USP37: variants seen among roughly 807,000 people sequenced by gnomAD.
The protein encoded by USP37 is ubiquitin carboxyl-terminal hydrolase 37.
USP37 carries 27 observed loss-of-function variants against 124.0 expected under a neutral mutation model. That is an observed-to-expected ratio of 0.22 (90% CI 0.16 to 0.30). The LOEUF (loss-of-function observed/expected upper bound fraction) is 0.30. Among genes scored for constraint, USP37 ranks in the 10% least tolerant of loss-of-function variants. The pLI, the probability that USP37 is intolerant of heterozygous loss-of-function variation, is 1.00. For missense variants in USP37, 889 were observed against 1,140.4 expected, an observed-to-expected ratio of 0.78 and a Z score of 3.17; for synonymous variants, 365 against 388.0, an observed-to-expected ratio of 0.94 and a Z score of 0.70.
At chr2:218,508,698 C>G (rs1201617235) in intron 11 of USP37, among the ~76,000 whole-genome samples, 1 of 152,072 alleles carries the variant, frequency 6.6e-6, no homozygotes, top group East Asian at 1.9e-4. Flanking sequence ...GGAAATTAAG[C>G]ATTTGACTGG....
At chr2:218,470,982 A>T (rs1690650646) in intron 20 of USP37, among the ~76,000 whole-genome samples, 2 of 152,212 alleles carry the variant, frequency 1.3e-5, no homozygotes, top group African/African-American at 4.8e-5. Context: ...AGGGAGAAAA[A>T]GAGAGAAATA....
intron 4 of USP37, among the ~76,000 whole-genome samples, chr2:218,553,998 T>C (rs551366917): frequency 6.6e-6 from 1 of 152,324 alleles, no homozygotes; most frequent in South Asian, 2.1e-4. Flanking sequence ...AAGAATTGTT[T>C]TAAAAAAGCC....
At chr2:218,554,916 T>G (rs1452162890) in intron 4 of USP37, among the ~76,000 whole-genome samples, 1 of 152,142 alleles carries the variant, frequency 6.6e-6, no homozygotes, top group African/African-American at 2.4e-5. Context: ...AATAAACCTT[T>G]ACCAATATAG....
chr2:218,480,398 CA>C (rs397868988), intron 17 of USP37, among the ~76,000 whole-genome samples: 3,058 of 48,626 alleles, frequency 0.063, 25 homozygotes, highest in South Asian at 0.081. Context: ...GACTCCGTCT[CA>C]AAAAAAAAAA....
chr2:218,462,615 C>A (rs1415693115), intron 22 of USP37, among the ~76,000 whole-genome samples: 1 of 152,076 alleles, frequency 6.6e-6, no homozygotes, highest in Non-Finnish European at 1.5e-5. Flanking sequence ...GAAACTGAAG[C>A]CACATTATGT....
Position 218,558,659 on chromosome 2 carries a change from C to G in USP37, c.-6G>C. 6.3e-7 allele frequency: 1 copy of G among 1,583,504 alleles called. No homozygotes were observed. Among genetic ancestry groups the G allele is most frequent in the Non-Finnish European group, 8.6e-7 (1 of 1,165,928 alleles). On this transcript the variant is annotated 5_prime_UTR_variant, in exon 4 of 26. Coordinates refer to ENST00000258399, the MANE Select transcript of USP37 (RefSeq NM_020935.3). ...TGTATCTTCAGAGGAGACATATTTT[C>G]TTTAAAAATTGCTTCTGGCTAAATT...
At position 218,463,332 on chromosome 2, in the gene USP37, T is replaced by C; in HGVS notation, c.2501A>G (p.Lys834Arg). ...AWEQKEDDDL[K>R]RATELSLQEF... ...TTGAAGACTTAACTCGGTAGCTCTT[T>C]TGAGGTCATCATCTTCTTTCTGTTC... Residue 834 changes from lysine to arginine, a missense_variant, in exon 22 of 26, where the codon AAA becomes AGA. Physicochemically the swap from Lys to Arg is conservative, Grantham distance 26 (BLOSUM62 2). Transcript: ENST00000258399. 6.2e-7 allele frequency: 1 copy of C among 1,614,038 alleles called. No homozygotes were observed. Among genetic ancestry groups the C allele is most frequent in the Non-Finnish European group, 8.5e-7 (1 of 1,179,998 alleles).
intron 1 of USP37, among the ~76,000 whole-genome samples, chr2:218,566,884 G>C (rs1361746030): frequency 6.6e-6 from 1 of 152,168 alleles, no homozygotes; most frequent in African/African-American, 2.4e-5. Flanking sequence ...CCTGTGTCAT[G>C]TGCCACTTAA....
chr2:218,528,841 A>AAAAAAAT, intron 10 of USP37: 1 of 353,342 alleles, frequency 2.8e-6, no homozygotes, highest in Non-Finnish European at 4.8e-6. Context: ...AAAAAAAAAA[A>AAAAAAAT]GAGCTTATCT....
chr2:218,463,505 T>C lies in USP37; in HGVS notation c.2467-139A>G, dbSNP rs1332723811. On this transcript the variant is annotated intron_variant, in intron 21 of 25. Transcript: ENST00000258399. ...TTATGGATGTTTGGAATATTACCTT[T>C]TGAGGAATGTGGGGAAGTTCTTTAC... 1.3e-5 allele frequency: 9 copies of C among 685,904 alleles called. No individual in the cohort carries two copies. In the Admixed American group the frequency reaches 1.4e-4, roughly 11 times the overall value. 42.5% of individuals were successfully genotyped at this position (685,904 alleles called of 1,614,324 possible).
intron 4 of USP37, among the ~76,000 whole-genome samples, chr2:218,557,160 C>T (rs1259674340): frequency 2.0e-5 from 3 of 152,176 alleles, no homozygotes; most frequent in African/African-American, 7.2e-5. Flanking sequence ...TGAGCCACTG[C>T]GCCCAGCCAT....
chr2:218,549,684 C>A, intron 6 of USP37, 125 bp downstream of exon 6: 1 of 741,938 alleles, frequency 1.3e-6, no homozygotes, highest in African/African-American at 1.8e-5. Flanking sequence ...AGGCTGGTCT[C>A]AGACTCCTGA....
At chr2:218,497,322 T>C (rs1689135614) in intron 13 of USP37, among the ~76,000 whole-genome samples, 1 of 150,068 alleles carries the variant, frequency 6.7e-6, no homozygotes, top group Non-Finnish European at 1.5e-5. Context: ...CCACCCACCG[T>C]GGCCTCCCAA....
intron 3 of USP37, among the ~76,000 whole-genome samples, chr2:218,559,335 T>C (rs909306864): frequency 6.6e-6 from 1 of 151,960 alleles, no homozygotes; most frequent in African/African-American, 2.4e-5. Flanking sequence ...CAATACAAAA[T>C]TCAGGCCTCT....
intron 11 of USP37, among the ~76,000 whole-genome samples, chr2:218,503,707 C>T (rs1689519514): frequency 6.6e-6 from 1 of 151,812 alleles, no homozygotes; most frequent in Non-Finnish European, 1.5e-5. Flanking sequence ...GAGAGCAAAA[C>T]TCCATCTCAA....
At chr2:218,504,251 G>A (rs1208236006) in intron 11 of USP37, among the ~76,000 whole-genome samples, 2 of 151,932 alleles carry the variant, frequency 1.3e-5, no homozygotes, top group Admixed American at 6.6e-5. Flanking sequence ...ATTTCTTATT[G>A]TTTCCATTAA....
intron 22 of USP37, 60 bp from the exon 23 acceptor site, chr2:218,459,965 T>C: frequency 7.5e-7 from 1 of 1,335,824 alleles, no homozygotes; most frequent in Non-Finnish European, 1.1e-6. Flanking sequence ...ACGTGGTGGC[T>C]CACACCTGTA....
At chr2:218,549,982 ATTTT>A in intron 5 of USP37, 73 bp from the exon 6 acceptor site, 2 of 1,132,866 alleles carry the variant, frequency 1.8e-6, no homozygotes, top group South Asian at 1.8e-5. Context: ...TATCATTATT[ATTTT>A]TATATAATAT....
chr2:218,452,865 T>C lies in USP37; in HGVS notation c.*2065A>G, dbSNP rs897478693. ...GAATTAATAACTAGCCAAAGAATTT[T>C]ATCACCGCTTCACTCATTTATAAGA... On this transcript the variant is annotated 3_prime_UTR_variant, in exon 26 of 26. Transcript: ENST00000258399. The C allele has an allele frequency of 6.6e-6, 1 of 152,252 alleles. No individual in the cohort carries two copies. The highest frequency in any genetic ancestry group is 6.5e-5 in the Admixed American group (1 of 15,280). The allele number at this position is 152,252 out of a possible 1,614,324, so 9.4% of individuals were successfully genotyped here. A position where few individuals can be genotyped will look rare whatever the true frequency, so the allele number is the denominator to read the frequency against.
Sources: allele counts gnomAD v4.1 joint callset (sites outside exome capture counted in the v4.1 genomes callset), GRCh38; gene constraint gnomAD v4.1.1; transcripts MANE v1.5; gene names NCBI Gene and HGNC (gene_info 2026-07-23, HGNC 2026-07-21).